The following CEP112 variants were observed in gnomAD, a reference collection of about 807,000 sequenced individuals.
CEP112 encodes centrosomal protein of 112 kDa.
A neutral mutation model predicts 153.0 loss-of-function variants in CEP112; 127 were observed. That is an observed-to-expected ratio of 0.83 (90% CI 0.72 to 0.96). The LOEUF (loss-of-function observed/expected upper bound fraction) is 0.96. Ranked by LOEUF, CEP112 falls within the 40% of genes least tolerant of loss-of-function variation. CEP112 has a pLI of 0.00. For missense variants in CEP112, 1,089 were observed against 1,101.2 expected, an observed-to-expected ratio of 0.99 and a Z score of 0.16; for synonymous variants, 358 against 374.4, an observed-to-expected ratio of 0.96 and a Z score of 0.51.
chr17:65,644,062 C>A (rs1016136519), intron 24 of CEP112, among the ~76,000 whole-genome samples: 1 of 152,152 alleles, frequency 6.6e-6, no homozygotes, highest in Non-Finnish European at 1.5e-5. Context: ...ATGATGGTGA[C>A]ATTGAAGGTG....
chr17:66,172,501 A>G (rs117824092), intron 4 of CEP112, among the ~76,000 whole-genome samples: 5,187 of 152,304 alleles, frequency 0.034, 131 homozygotes, highest in Middle Eastern at 0.061. Flanking sequence ...GCATTAAAAC[A>G]CCTTTAATAA....
chr17:65,826,122 G>T (rs930658175), intron 21 of CEP112: 1 of 1,612,990 alleles, frequency 6.2e-7, no homozygotes, highest in Non-Finnish European at 8.5e-7. Flanking sequence ...GAGGACAGAG[G>T]TTGTCTTGTT....
chr17:65,720,245 G>A (rs947822416), intron 23 of CEP112, among the ~76,000 whole-genome samples: 5 of 152,156 alleles, frequency 3.3e-5, no homozygotes, highest in Non-Finnish European at 7.3e-5. Context: ...CATCTGTTTT[G>A]ATATCCAGGG....
intron 18 of CEP112, among the ~76,000 whole-genome samples, chr17:65,951,749 C>CCCCCTCCCG (rs71160510): frequency 9.4e-6 from 1 of 106,148 alleles, no homozygotes; most frequent in African/African-American, 3.2e-5. Context: ...CCCCGCCCCC[C>CCCCCTCCCG]CCTTTCTTCC....
intron 17 of CEP112, among the ~76,000 whole-genome samples, chr17:65,969,638 G>T (rs769275904): frequency 1.3e-5 from 2 of 152,196 alleles, no homozygotes; most frequent in Non-Finnish European, 2.9e-5. Context: ...CACACATATT[G>T]CAAGCATATA....
chr17:66,188,579 A>G (rs1240302362), intron 1 of CEP112, among the ~76,000 whole-genome samples: 1 of 62,196 alleles, frequency 1.6e-5, no homozygotes, highest in Non-Finnish European at 3.7e-5. Context: ...AGCATTTATC[A>G]TGCTGTTTTT....
intron 18 of CEP112, among the ~76,000 whole-genome samples, chr17:65,950,895 T>C (rs1034403613): frequency 1.3e-5 from 2 of 152,104 alleles, no homozygotes; most frequent in African/African-American, 2.4e-5. Flanking sequence ...CTTTATTAGG[T>C]TGAGTAAATT....
chr17:65,689,244 C>A (rs766298122), intron 23 of CEP112, 26 bp from the exon 24 acceptor site: 22 of 1,517,770 alleles, frequency 1.4e-5, no homozygotes, highest in Admixed American at 8.4e-5. Flanking sequence ...ATAAAGATAT[C>A]ATTAATAATT....
chr17:65,869,645 TC>T (rs374241014), intron 20 of CEP112, among the ~76,000 whole-genome samples: 14 of 150,788 alleles, frequency 9.3e-5, no homozygotes, highest in African/African-American at 2.7e-4. Context: ...AGTGGTGTGA[TC>T]TCTGCTCACT....
At chr17:65,945,981 G>A (rs2061638297) in intron 18 of CEP112, among the ~76,000 whole-genome samples, 1 of 152,124 alleles carries the variant, frequency 6.6e-6, no homozygotes, top group South Asian at 2.1e-4. Flanking sequence ...TGGCCACTAT[G>A]AAATCAACTT....
At chr17:65,637,044 G>T in intron 26 of CEP112, 80 bp downstream of exon 26, 1 of 1,084,608 alleles carries the variant, frequency 9.2e-7, no homozygotes, top group Non-Finnish European at 1.4e-6. Flanking sequence ...TTTTAATAAA[G>T]ACAAAGGCCA....
intron 4 of CEP112, among the ~76,000 whole-genome samples, chr17:66,148,682 A>C (rs549631818): frequency 6.6e-6 from 1 of 152,256 alleles, no homozygotes; most frequent in South Asian, 2.1e-4. Flanking sequence ...ATAAAAATTT[A>C]ATTAATTTTT....
Position 65,865,429 on chromosome 17 carries a change from G to A in CEP112, c.2164-13395C>T, listed in dbSNP as rs183835785. On this transcript the variant is annotated intron_variant, in intron 20 of 26. Coordinates refer to ENST00000535342, the MANE Select transcript of CEP112 (RefSeq NM_001199165.4). ...AAGTATCATACAGTGAGAACTAAGC[G>A]TACTATATTGAGGAGGGCAAGTTGC... is the stretch of plus-strand genomic sequence containing the variant. Among the ~76,000 whole-genome samples the A allele has an allele frequency of 2.2e-4, 34 of 152,298 alleles. No individual in the cohort carries two copies. In the East Asian group the frequency reaches 2.9e-3, roughly 13 times the overall value.
chr17:66,031,335 C>G (rs2065456651), intron 12 of CEP112, among the ~76,000 whole-genome samples: 1 of 109,644 alleles, frequency 9.1e-6, no homozygotes. Flanking sequence ...CAAAAACAGA[C>G]AAGATAAACT....
chr17:65,813,510 T>C (rs997823457), intron 21 of CEP112, among the ~76,000 whole-genome samples: 1 of 141,144 alleles, frequency 7.1e-6, no homozygotes, highest in Non-Finnish European at 1.6e-5. Flanking sequence ...TTGGATTTGC[T>C]TGGAAATAGC....
At chr17:66,093,528 T>A (rs780873460) in intron 8 of CEP112, among the ~76,000 whole-genome samples, 35 of 151,674 alleles carry the variant, frequency 2.3e-4, no homozygotes, top group Admixed American at 4.6e-4. Context: ...AGCCATTTTA[T>A]ACACTGACAA....
chr17:65,779,071 T>TAAAAATA (rs534776092), intron 21 of CEP112, among the ~76,000 whole-genome samples: 115 of 152,340 alleles, frequency 7.5e-4, no homozygotes, highest in Non-Finnish European at 1.3e-3. Flanking sequence ...TTAAGGCATT[T>TAAAAATA]AAAAATAATT....
Position 66,147,293 on chromosome 17 carries a change from T to C in CEP112, c.471-14530A>G, listed in dbSNP as rs187218127. On this transcript the variant is annotated intron_variant, in intron 4 of 26. Coordinates refer to ENST00000535342, the MANE Select transcript of CEP112 (RefSeq NM_001199165.4). The stretch of plus-strand genomic sequence containing the variant: ...TTCATGTGCTTATTGGCCATTTTTA[T>C]ATCATCTTTGGAGATATGTCTATTC... Among the ~76,000 whole-genome samples the C allele has an allele frequency of 2.0e-5, 3 of 152,326 alleles. No individual in the cohort carries two copies. In the East Asian group the frequency reaches 5.8e-4, roughly 29 times the overall value.
At chr17:66,110,020 T>G (rs1314245927) in intron 6 of CEP112, among the ~76,000 whole-genome samples, 2 of 152,194 alleles carry the variant, frequency 1.3e-5, no homozygotes, top group East Asian at 3.9e-4. Flanking sequence ...ATTTGCCTGG[T>G]GTGGTGGCAG....
Sources: allele counts gnomAD v4.1 joint callset (sites outside exome capture counted in the v4.1 genomes callset), GRCh38; gene constraint gnomAD v4.1.1; transcripts MANE v1.5; gene names NCBI Gene and HGNC (gene_info 2026-07-23, HGNC 2026-07-21).